Variants in GOLIM4 observed in about 807,000 individuals in gnomAD.
The protein encoded by GOLIM4 is 130 kDa golgi-localized phosphoprotein.
A neutral mutation model predicts 107.4 loss-of-function variants in GOLIM4; 71 were observed. That is an observed-to-expected ratio of 0.66 (90% confidence interval 0.55 to 0.81). GOLIM4 has a LOEUF of 0.81. GOLIM4 is among the 30% of genes least tolerant of loss of function. The pLI is 0.00. For synonymous variants in GOLIM4, 327 were observed against 294.8 expected (o/e 1.11, Z -1.12); for missense variants, 830 against 826.1 (o/e 1.00, Z -0.06).
chr3:168,035,638 G>A (rs1718601386), intron 8 of GOLIM4, among the ~76,000 whole-genome samples: 1 of 152,136 alleles, frequency 6.6e-6, no homozygotes, highest in Admixed American at 6.5e-5. Context: ...ACACTGTACG[G>A]CCTATCAGAA....
chr3:168,077,856 A>G (rs981897634), intron 1 of GOLIM4, among the ~76,000 whole-genome samples: 1 of 152,210 alleles, frequency 6.6e-6, no homozygotes, highest in African/African-American at 2.4e-5. Flanking sequence ...ATACAGAATA[A>G]GCTACACTTA....
rs184217928 is a variant in GOLIM4, at chr3:168,034,157, G to A, written c.844-1305C>T. Among the ~76,000 whole-genome samples, 23 of 152,246 alleles carry A rather than the reference G, an allele frequency of 1.5e-4. No individual in the cohort carries two copies. In the East Asian group the frequency reaches 3.7e-3, roughly 24 times the overall value. On this transcript the variant is annotated intron_variant, in intron 8 of 15. Coordinates refer to ENST00000470487, the MANE Select transcript of GOLIM4 (RefSeq NM_014498.5). The stretch of plus-strand genomic sequence containing the variant: ...GACAACTGGAGTTGCACATTCCACC[G>A]ACATCCTCACATATCTGGCAAGTTT...
intron 1 of GOLIM4, among the ~76,000 whole-genome samples, chr3:168,070,365 C>G (rs776384485): frequency 3.3e-5 from 5 of 152,200 alleles, no homozygotes; most frequent in Non-Finnish European, 5.9e-5. Context: ...TGCACTCCAG[C>G]CTGGGCAACA....
At position 168,064,849 on chromosome 3, in the gene GOLIM4, T is replaced by C. The variant is rs182147281; in HGVS notation, c.188-16484A>G. Among the ~76,000 whole-genome samples, 48 of 152,104 alleles carry C rather than the reference T, an allele frequency of 3.2e-4. 1 individual carries two copies. The East Asian group carries it at 8.5e-3, about 27-fold the overall frequency. ...AAAAAGAAATCTTTGATGATACATA[T>C]AAGTATTCTAATTAGACGTCCAGAT... On this transcript the variant is annotated intron_variant, in intron 1 of 15. Transcript: ENST00000470487.
intron 1 of GOLIM4, among the ~76,000 whole-genome samples, chr3:168,057,007 C>A (rs1720010114): frequency 5.3e-5 from 8 of 152,090 alleles, no homozygotes; most frequent in Admixed American, 3.9e-4. Flanking sequence ...GCTGTGTCCC[C>A]CACCCAAATC....
At chr3:168,044,128 A>G (rs1358100923) in intron 4 of GOLIM4, among the ~76,000 whole-genome samples, 2 of 152,244 alleles carry the variant, frequency 1.3e-5, no homozygotes, top group Non-Finnish European at 2.9e-5. Context: ...GTTTGCTTTA[A>G]TTCATTTACT....
intron 1 of GOLIM4, among the ~76,000 whole-genome samples, chr3:168,056,432 T>C (rs1323017399): frequency 6.6e-6 from 1 of 152,252 alleles, no homozygotes; most frequent in South Asian, 2.1e-4. Flanking sequence ...ACAGAGTCCC[T>C]ACTGGGGAGA....
intron 1 of GOLIM4, among the ~76,000 whole-genome samples, chr3:168,048,893 A>G (rs530964812): frequency 7.5e-4 from 115 of 152,318 alleles, no homozygotes; most frequent in African/African-American, 2.6e-3. Flanking sequence ...CTGGAATGAA[A>G]GAGGAGGTGT....
At chr3:168,094,902 A>G (rs1029359479) in intron 1 of GOLIM4, among the ~76,000 whole-genome samples, 197 bp downstream of exon 1, 3 of 152,190 alleles carry the variant, frequency 2.0e-5, no homozygotes, top group African/African-American at 7.2e-5. Flanking sequence ...AACCGCTGGG[A>G]GGAAGAAGCG....
chr3:168,035,698 G>A (rs996633137), intron 8 of GOLIM4, among the ~76,000 whole-genome samples: 6 of 152,212 alleles, frequency 3.9e-5, no homozygotes, highest in Non-Finnish European at 7.3e-5. Context: ...AGGCTAAATA[G>A]CTGGGTGATA....
chr3:168,044,101 C>A (rs1334140492), intron 4 of GOLIM4, among the ~76,000 whole-genome samples: 1 of 152,152 alleles, frequency 6.6e-6, no homozygotes, highest in Admixed American at 6.5e-5. Flanking sequence ...TCTCCAAGTG[C>A]TTAATGTGAA....
chr3:168,051,198 G>A (rs560670676), intron 1 of GOLIM4, among the ~76,000 whole-genome samples: 4 of 152,218 alleles, frequency 2.6e-5, no homozygotes, highest in African/African-American at 9.6e-5. Flanking sequence ...ACCAAGTAGA[G>A]AGGGAGTGTG....
At chr3:168,084,899 A>T (rs994129376) in intron 1 of GOLIM4, among the ~76,000 whole-genome samples, 15 of 152,296 alleles carry the variant, frequency 9.8e-5, no homozygotes, top group East Asian at 7.7e-4. Context: ...AAGTTTAGCA[A>T]TAACCACACT....
intron 10 of GOLIM4, among the ~76,000 whole-genome samples, 179 bp from the exon 11 acceptor site, chr3:168,029,481 C>T (rs1429587446): frequency 1.3e-5 from 2 of 152,064 alleles, no homozygotes; most frequent in Non-Finnish European, 2.9e-5. Flanking sequence ...ATTCCAGATA[C>T]ACTTTCAAAA....
intron 11 of GOLIM4, 49 bp downstream of exon 11, chr3:168,029,173 TG>T (rs1196160401): frequency 8.5e-7 from 1 of 1,176,282 alleles, no homozygotes; most frequent in East Asian, 2.3e-5. Context: ...TAATATACAA[TG>T]TTATCAAGTA....
intron 1 of GOLIM4, among the ~76,000 whole-genome samples, chr3:168,067,555 C>G (rs1427456049): frequency 2.1e-5 from 3 of 144,980 alleles, no homozygotes; most frequent in Non-Finnish European, 1.5e-5. Flanking sequence ...TATCTTTTTA[C>G]AAAAAAAAAT....
At position 168,026,884 on chromosome 3, in the gene GOLIM4, T is replaced by C. The variant is rs182650353; in HGVS notation, c.1623+844A>G. On this transcript the variant is annotated intron_variant, in intron 12 of 15. Coordinates refer to ENST00000470487, the MANE Select transcript of GOLIM4 (RefSeq NM_014498.5). The stretch of plus-strand genomic sequence containing the variant: ...TTAAGTAGCTAGCAGGATGACTTTC[T>C]TGATGATTAGCAAGGACATGGGTCC... Among the ~76,000 whole-genome samples, 56 of 152,380 alleles carry C rather than the reference T, an allele frequency of 3.7e-4. 1 individual carries two copies. In the East Asian group the frequency reaches 0.011, roughly 29 times the overall value.
chr3:168,031,639 T>C (rs909079274), intron 9 of GOLIM4, among the ~76,000 whole-genome samples: 2 of 152,202 alleles, frequency 1.3e-5, no homozygotes, highest in East Asian at 3.9e-4. Flanking sequence ...GACACAAGAC[T>C]GGAAGAAGCT....
intron 1 of GOLIM4, among the ~76,000 whole-genome samples, chr3:168,060,910 T>TC (rs1332175544): frequency 3.3e-5 from 5 of 151,062 alleles, no homozygotes; most frequent in African/African-American, 1.2e-4. Context: ...AAAAAGAACT[T>TC]CATCACATCT....
Sources: allele counts gnomAD v4.1 joint callset (sites outside exome capture counted in the v4.1 genomes callset), GRCh38; gene constraint gnomAD v4.1.1; transcripts MANE v1.5; gene names NCBI Gene and HGNC (gene_info 2026-07-23, HGNC 2026-07-21).